KAZN: variants seen among roughly 807,000 people sequenced by gnomAD.
KAZN encodes the protein kazrin, periplakin interacting protein.
KAZN carries 40 observed loss-of-function variants against 87.4 expected under a neutral mutation model. That is an observed-to-expected ratio of 0.46 (90% CI 0.36 to 0.60). The LOEUF is 0.60. Ranked by LOEUF, KAZN falls within the 20% of genes least tolerant of loss-of-function variation. KAZN has a pLI of 0.00. For synonymous variants in KAZN, 466 were observed against 458.3 expected (o/e 1.02, Z -0.22); for missense variants, 898 against 1,073.9 (o/e 0.84, Z 2.29).
chr1:15,093,734 G>A (rs1175873896), intron 8 of KAZN, among the ~76,000 whole-genome samples: 1 of 152,178 alleles, frequency 6.6e-6, no homozygotes, highest in Non-Finnish European at 1.5e-5. Flanking sequence ...AATTTTAACA[G>A]AAATGCTTTA....
At chr1:15,111,349 A>G (rs1641614535) in intron 13 of KAZN, among the ~76,000 whole-genome samples, 1 of 151,554 alleles carries the variant, frequency 6.6e-6, no homozygotes, top group South Asian at 2.1e-4. Flanking sequence ...GCTCACTGCA[A>G]CCTCCACCTC....
chr1:15,063,656 C>T (rs201364417), intron 7 of KAZN, 34 bp downstream of exon 7: 2 of 1,540,428 alleles, frequency 1.3e-6, no homozygotes, highest in East Asian at 2.3e-5. Context: ...TTGAACCCTC[C>T]CTCCACCCCA....
intron 2 of KAZN, among the ~76,000 whole-genome samples, chr1:14,313,392 A>G (rs541323322): frequency 6.6e-6 from 1 of 152,282 alleles, no homozygotes; most frequent in Non-Finnish European, 1.5e-5. Flanking sequence ...GGAATGAGTC[A>G]ACTTCATTGT....
intron 1 of KAZN, among the ~76,000 whole-genome samples, chr1:14,957,487 G>A (rs189876062): frequency 5.3e-5 from 8 of 152,364 alleles, no homozygotes; most frequent in Admixed American, 2.6e-4. Flanking sequence ...CAGGATATGC[G>A]ATTGGGCCCC....
chr1:15,021,950 G>A lies in KAZN; in HGVS notation c.419-12799G>A, dbSNP rs1198206776. On this transcript the variant is annotated intron_variant, in intron 2 of 14. Coordinates refer to ENST00000376030, the MANE Select transcript of KAZN (RefSeq NM_201628.3). This position sits in a 1 kb window ranked among gnomAD's most constrained non-coding sequence, Gnocchi z 4.2. ...GACACTTCTTACATGGTGGCAGCAA[G>A]ATAGAGCATGAGAGCCAGGGGAAAA... Among the ~76,000 whole-genome samples, 2 of 152,136 alleles carry A rather than the reference G, an allele frequency of 1.3e-5. No individual in the cohort carries two copies. Among genetic ancestry groups the A allele is most frequent in the African/African-American group, 4.8e-5 (2 of 41,438 alleles).
chr1:14,622,689 C>CAA (rs3087165), intron 1 of KAZN, among the ~76,000 whole-genome samples: 4 of 113,462 alleles, frequency 3.5e-5, no homozygotes, highest in Admixed American at 9.2e-5. Context: ...GACTCCATCT[C>CAA]AAAAAAAAAA....
intron 1 of KAZN, among the ~76,000 whole-genome samples, chr1:13,932,641 G>A (rs1425002085): frequency 2.6e-5 from 4 of 152,302 alleles, no homozygotes; most frequent in African/African-American, 9.6e-5. Flanking sequence ...TATAGATGAG[G>A]AAATAGAGAC....
chr1:14,617,011 G>T (rs931686350), intron 1 of KAZN, among the ~76,000 whole-genome samples: 1 of 152,140 alleles, frequency 6.6e-6, no homozygotes, highest in Admixed American at 6.5e-5. Context: ...TTCCATTGTT[G>T]TTTCTATTTA....
At chr1:13,893,642 A>AACACC in exon 1 of KAZN, 1 of 1,550,082 alleles carries the variant, frequency 6.5e-7, no homozygotes, top group Non-Finnish European at 8.7e-7. Flanking sequence ...CCACATGACC[A>AACACC]ACACCAAAGA....
chr1:15,033,158 G>A (rs1164145320), intron 2 of KAZN, among the ~76,000 whole-genome samples: 1 of 152,104 alleles, frequency 6.6e-6, no homozygotes, highest in Non-Finnish European at 1.5e-5. Context: ...CAAATACTAT[G>A]CCATTTTATA....
chr1:13,954,442 T>A (rs1169601348), intron 1 of KAZN, among the ~76,000 whole-genome samples: 4 of 152,244 alleles, frequency 2.6e-5, no homozygotes, highest in African/African-American at 9.6e-5. Flanking sequence ...GTTGCTGTTT[T>A]GATCACCAGG....
At chr1:14,380,696 A>G (rs762528886) in intron 2 of KAZN, among the ~76,000 whole-genome samples, 57 of 152,216 alleles carry the variant, frequency 3.7e-4, no homozygotes, top group Non-Finnish European at 5.7e-4. Context: ...AAAAGAATAA[A>G]AAAGAATGAA....
intron 2 of KAZN, among the ~76,000 whole-genome samples, chr1:14,289,443 C>T (rs1653511196): frequency 6.6e-6 from 1 of 151,358 alleles, no homozygotes; most frequent in Non-Finnish European, 1.5e-5. Context: ...TAATGGCCTT[C>T]TTTGTCTCTT....
intron 2 of KAZN, among the ~76,000 whole-genome samples, chr1:14,501,140 TA>T (rs1358171479): frequency 6.7e-6 from 1 of 150,184 alleles, no homozygotes; most frequent in Non-Finnish European, 1.5e-5. Context: ...AAAATAATAA[TA>T]AAAGCCCACA....
chr1:14,444,306 A>ATTTTTTTTTTTTT (rs35461813), intron 2 of KAZN, among the ~76,000 whole-genome samples: 4 of 95,238 alleles, frequency 4.2e-5, no homozygotes, highest in African/African-American at 1.3e-4. Flanking sequence ...TAAATTCATG[A>ATTTTTTTTTTTTT]TTTTTTTTTT....
intron 1 of KAZN, among the ~76,000 whole-genome samples, chr1:14,628,595 A>G (rs989173078): frequency 6.6e-6 from 1 of 152,224 alleles, no homozygotes; most frequent in Non-Finnish European, 1.5e-5. Context: ...TCAGATGCAC[A>G]TGTAAATGGA....
At chr1:14,226,163 G>A (rs1042763619) in intron 2 of KAZN, among the ~76,000 whole-genome samples, 2 of 151,994 alleles carry the variant, frequency 1.3e-5, no homozygotes, top group Admixed American at 6.6e-5. Context: ...TGCATCTGAC[G>A]AAGGTCGAAT....
intron 2 of KAZN, among the ~76,000 whole-genome samples, chr1:14,187,889 A>G (rs554537751): frequency 1.3e-5 from 2 of 152,266 alleles, no homozygotes; most frequent in South Asian, 2.1e-4. Context: ...TTCCAGATAC[A>G]TCTTCGTTAT....
At chr1:15,088,534 G>A (rs1349223769) in intron 8 of KAZN, among the ~76,000 whole-genome samples, 2 of 152,136 alleles carry the variant, frequency 1.3e-5, no homozygotes, top group Non-Finnish European at 2.9e-5. Context: ...GCCAGCACCC[G>A]CGACTCGGCA....
Sources: gnomAD v4.1 joint callset for allele counts (sites outside exome capture counted in the v4.1 genomes callset) on GRCh38, gnomAD v4.1.1 for gene constraint, Gnocchi (gnomAD v3.1) non-coding constraint, MANE v1.5 for transcripts, NCBI Gene and HGNC (gene_info 2026-07-23, HGNC 2026-07-21) for gene names.